Variants in EVA1C observed in about 807,000 individuals in gnomAD.
The protein encoded by EVA1C is protein eva-1 homolog C.
A neutral mutation model predicts 45.4 loss-of-function variants in EVA1C; 25 were observed. The observed-to-expected ratio is 0.55, with a 90% CI of 0.40 to 0.77. The LOEUF is 0.77. EVA1C is among the 30% of genes least tolerant of loss of function. EVA1C has a pLI of 0.00. For synonymous variants in EVA1C, 190 were observed against 221.2 expected, an observed-to-expected ratio of 0.86 and a Z score of 1.25; for missense variants, 479 against 554.8, an observed-to-expected ratio of 0.86 and a Z score of 1.37.
chr21:32,444,053 A>AAAAC (rs1467258255), intron 1 of EVA1C, among the ~76,000 whole-genome samples: 1 of 139,938 alleles, frequency 7.1e-6, no homozygotes, highest in Non-Finnish European at 1.6e-5. Context: ...ATTGTGTGAA[A>AAAAC]ACACACACAC....
intron 1 of EVA1C, among the ~76,000 whole-genome samples, chr21:32,444,053 A>AACAC (rs60086580): frequency 0.018 from 2,515 of 140,000 alleles, 32 homozygotes; most frequent in East Asian, 0.046. Flanking sequence ...ATTGTGTGAA[A>AACAC]ACACACACAC....
intron 7 of EVA1C, among the ~76,000 whole-genome samples, chr21:32,507,893 G>A (rs2037816561): frequency 7.3e-6 from 1 of 136,714 alleles, no homozygotes; most frequent in Non-Finnish European, 1.5e-5. Context: ...GTGTATCTGT[G>A]CATGTGTGTA....
chr21:32,429,109 C>T (rs553929670), intron 1 of EVA1C, among the ~76,000 whole-genome samples: 21 of 152,244 alleles, frequency 1.4e-4, no homozygotes, highest in East Asian at 9.7e-4. Context: ...ACGGCAACCT[C>T]GCCTCCCGGG....
intron 1 of EVA1C, among the ~76,000 whole-genome samples, chr21:32,421,458 GA>G (rs2034269307): frequency 6.6e-6 from 1 of 152,130 alleles, no homozygotes. Context: ...CAGGATTGGA[GA>G]AAAAAATAAT....
chr21:32,468,295 G>A (rs761347646), intron 4 of EVA1C, among the ~76,000 whole-genome samples: 45 of 151,910 alleles, frequency 3.0e-4, no homozygotes, highest in African/African-American at 1.0e-3. Flanking sequence ...CTTGAACCCG[G>A]GAGGTGAAGG....
At chr21:32,440,583 C>T (rs2035138008) in intron 1 of EVA1C, among the ~76,000 whole-genome samples, 1 of 152,110 alleles carries the variant, frequency 6.6e-6, no homozygotes, top group African/African-American at 2.4e-5. Flanking sequence ...TTTAGAGTAA[C>T]TTTTTAAAAT....
chr21:32,495,209 C>A, intron 5 of EVA1C, 39 bp downstream of exon 5: 1 of 1,604,604 alleles, frequency 6.2e-7, no homozygotes, highest in Non-Finnish European at 8.5e-7. Context: ...GATGACACTG[C>A]CTCTTTTGGG....
chr21:32,436,786 T>C (rs1489936199), intron 1 of EVA1C, among the ~76,000 whole-genome samples: 2 of 151,976 alleles, frequency 1.3e-5, no homozygotes, highest in Non-Finnish European at 2.9e-5. Context: ...CCATGGGGAG[T>C]GTGGTGGTAA....
intron 4 of EVA1C, among the ~76,000 whole-genome samples, chr21:32,494,690 G>A (rs1221415288): frequency 6.6e-6 from 1 of 152,058 alleles, no homozygotes; most frequent in African/African-American, 2.4e-5. Flanking sequence ...GGCTGAGGCA[G>A]GAGAATTGCT....
intron 3 of EVA1C, among the ~76,000 whole-genome samples, chr21:32,461,383 GAC>G (rs954288061): frequency 2.6e-5 from 4 of 152,182 alleles, no homozygotes; most frequent in Non-Finnish European, 2.9e-5. Context: ...GCAGATGAGA[GAC>G]AGAGCCCCTG....
At chr21:32,478,446 C>T (rs945186162) in intron 4 of EVA1C, among the ~76,000 whole-genome samples, 3 of 152,160 alleles carry the variant, frequency 2.0e-5, no homozygotes, top group Admixed American at 6.5e-5. Flanking sequence ...GTCTCGAACT[C>T]CTGACCTCAG....
chr21:32,491,256 T>C (rs943389274), intron 4 of EVA1C, among the ~76,000 whole-genome samples: 1 of 151,558 alleles, frequency 6.6e-6, no homozygotes, highest in Admixed American at 6.6e-5. Flanking sequence ...CAGGCTGGGG[T>C]GGGAGAATAA....
In EVA1C at chr21:32,412,820, G is replaced by A. The variant is rs952979620; in HGVS notation, c.-34G>A. ...AGCCCTGCGACCCCCAGCGCGTCCC[G>A]GGCCTGCGCCTCCGCCCCGCCGCGC... On this transcript the variant is annotated 5_prime_UTR_variant, in exon 1 of 8. Coordinates refer to ENST00000300255, the MANE Select transcript of EVA1C (RefSeq NM_058187.5). The A allele has an allele frequency of 2.4e-4, 324 of 1,363,836 alleles. 1 individual carries two copies. The highest frequency in any genetic ancestry group is 2.9e-4 in the Non-Finnish European group (308 of 1,067,098). The allele number at this position is 1,363,836 out of a possible 1,614,324, so 84.5% of individuals were successfully genotyped here.
chr21:32,427,903 A>T (rs1357117577), intron 1 of EVA1C, among the ~76,000 whole-genome samples: 1 of 150,734 alleles, frequency 6.6e-6, no homozygotes. Flanking sequence ...CTTGTTTTTG[A>T]AGTTTCTCTT....
At chr21:32,491,400 C>G (rs1416795152) in intron 4 of EVA1C, among the ~76,000 whole-genome samples, 1 of 151,702 alleles carries the variant, frequency 6.6e-6, no homozygotes, top group South Asian at 2.1e-4. Context: ...TTAGAAGGGG[C>G]ACAGTGGGCC....
intron 4 of EVA1C, among the ~76,000 whole-genome samples, chr21:32,471,202 TC>T (rs1279968947): frequency 1.3e-5 from 2 of 152,170 alleles, no homozygotes; most frequent in African/African-American, 4.8e-5. Context: ...ACTTTTTTTT[TC>T]TTTAATTCTT....
At chr21:32,456,600 C>T (rs1349747392) in intron 2 of EVA1C, among the ~76,000 whole-genome samples, 2 of 152,322 alleles carry the variant, frequency 1.3e-5, no homozygotes, top group African/African-American at 2.4e-5. Context: ...AGCTATTCCA[C>T]GAGCTACTAT....
intron 1 of EVA1C, among the ~76,000 whole-genome samples, chr21:32,442,373 C>A (rs1180253239): frequency 6.6e-6 from 1 of 152,092 alleles, no homozygotes; most frequent in Non-Finnish European, 1.5e-5. Flanking sequence ...AAACTCATAC[C>A]TAACTTCACC....
chr21:32,492,333 G>A (rs2037189112), intron 4 of EVA1C, among the ~76,000 whole-genome samples: 1 of 152,136 alleles, frequency 6.6e-6, no homozygotes, highest in Non-Finnish European at 1.5e-5. Flanking sequence ...GTTTCGGGGT[G>A]TGTGTGGGAC....
Sources: allele counts gnomAD v4.1 joint callset (sites outside exome capture counted in the v4.1 genomes callset), GRCh38; gene constraint gnomAD v4.1.1; transcripts MANE v1.5; gene names NCBI Gene and HGNC (gene_info 2026-07-23, HGNC 2026-07-21).